The following QTMAN variants were observed in gnomAD, a reference collection of about 807,000 sequenced individuals.
The protein encoded by QTMAN is queuosine-tRNA mannosyltransferase, also known as tRNA-queuosine alpha-mannosyltransferase.
chr2:144,173,178 T>G, the QTMAN span, among the ~76,000 whole-genome samples: 1 of 152,158 alleles, frequency 6.6e-6, no homozygotes, highest in South Asian at 2.1e-4. Flanking sequence ...AATCCAGCTG[T>G]TTTTAAGATA....
At chr2:144,092,341 A>G in the QTMAN span, among the ~76,000 whole-genome samples, 5 of 151,800 alleles carry the variant, frequency 3.3e-5, no homozygotes, top group Non-Finnish European at 7.4e-5. Context: ...GTGCCTGGCT[A>G]ATTTTTTGTA....
At chr2:144,189,439 T>C in the QTMAN span, among the ~76,000 whole-genome samples, 1 of 152,110 alleles carries the variant, frequency 6.6e-6, no homozygotes, top group Non-Finnish European at 1.5e-5. Context: ...GAATAACAAC[T>C]AAGTGACTAC....
At chr2:144,123,323 A>G in the QTMAN span, among the ~76,000 whole-genome samples, 1 of 152,264 alleles carries the variant, frequency 6.6e-6, no homozygotes, top group East Asian at 1.9e-4. Context: ...TTCAAAAGTG[A>G]CAGTAGCATT....
chr2:144,196,247 G>A, the QTMAN span, among the ~76,000 whole-genome samples: 16 of 137,136 alleles, frequency 1.2e-4, no homozygotes, highest in South Asian at 2.4e-4. Context: ...ACACACACAC[G>A]AAATATATAT....
the QTMAN span, among the ~76,000 whole-genome samples, chr2:144,110,366 G>A: frequency 1.3e-5 from 2 of 152,060 alleles, no homozygotes; most frequent in Admixed American, 6.5e-5. Flanking sequence ...ACAGGAAGGG[G>A]AACATCACAC....
chr2:144,332,323 C>T, the QTMAN span: 1 of 149,928 alleles, frequency 6.7e-6, no homozygotes, highest in Non-Finnish European at 1.5e-5. Context: ...TGCTGCCCCT[C>T]TGGGATCTCC....
At chr2:144,298,588 G>C in the QTMAN span, among the ~76,000 whole-genome samples, 2 of 152,094 alleles carry the variant, frequency 1.3e-5, no homozygotes, top group African/African-American at 4.8e-5. Context: ...TCTTCACTCA[G>C]CTGGGGCCTG....
At chr2:143,939,022 T>G in the QTMAN span, 1 of 152,228 alleles carries the variant, frequency 6.6e-6, no homozygotes. Flanking sequence ...ATTAACAAAA[T>G]GATGTAAATC....
At chr2:143,943,575 A>T in the QTMAN span, 1 of 152,220 alleles carries the variant, frequency 6.6e-6, no homozygotes, top group African/African-American at 2.4e-5. Context: ...TTTCTCAAAA[A>T]CAGATTTTAC....
At chr2:144,326,275 G>T in the QTMAN span, among the ~76,000 whole-genome samples, 1 of 151,992 alleles carries the variant, frequency 6.6e-6, no homozygotes, top group Admixed American at 6.6e-5. Flanking sequence ...TTTTTACATG[G>T]ATATGCCTAC....
At chr2:144,233,683 A>G in the QTMAN span, among the ~76,000 whole-genome samples, 1 of 152,212 alleles carries the variant, frequency 6.6e-6, no homozygotes, top group Non-Finnish European at 1.5e-5. Context: ...AGAACAAAGA[A>G]TGATATAGTT....
chr2:143,964,928 A>G, the QTMAN span, among the ~76,000 whole-genome samples: 1 of 152,236 alleles, frequency 6.6e-6, no homozygotes, highest in Admixed American at 6.5e-5. Context: ...CAGCATGGAA[A>G]GAAGAACGCT....
chr2:144,182,720 G>A, the QTMAN span, among the ~76,000 whole-genome samples: 1 of 133,018 alleles, frequency 7.5e-6, no homozygotes. Context: ...TAGTTAGTAG[G>A]CTGTAATCAG....
At chr2:144,317,470 C>T in the QTMAN span, 5 of 151,712 alleles carry the variant, frequency 3.3e-5, no homozygotes, top group African/African-American at 1.2e-4. Context: ...ATACCTACTA[C>T]ACCCTTACCT....
chr2:144,324,391 TACG>T, the QTMAN span, among the ~76,000 whole-genome samples: 16 of 152,262 alleles, frequency 1.1e-4, no homozygotes, highest in African/African-American at 3.9e-4. Flanking sequence ...ACCATTTGAA[TACG>T]ACAACAGATT....
the QTMAN span, among the ~76,000 whole-genome samples, chr2:144,237,887 G>A: frequency 6.6e-6 from 1 of 152,180 alleles, no homozygotes; most frequent in Non-Finnish European, 1.5e-5. Flanking sequence ...GCCACGTTGT[G>A]AGGACACTCA....
At chr2:144,006,932 G>T in the QTMAN span, 3 of 358,252 alleles carry the variant, frequency 8.4e-6, no homozygotes, top group African/African-American at 6.3e-5. Flanking sequence ...TGCTAGAAGT[G>T]CCTACCCACT....
the QTMAN span, among the ~76,000 whole-genome samples, chr2:144,021,951 T>TA: frequency 4.8e-4 from 72 of 151,532 alleles, 2 homozygotes; most frequent in East Asian, 7.3e-3. Context: ...CTCTCACATT[T>TA]AAAAAAAAAT....
the QTMAN span, among the ~76,000 whole-genome samples, chr2:144,054,199 T>A: frequency 3.6e-4 from 55 of 151,834 alleles, 2 homozygotes; most frequent in East Asian, 2.5e-3. Flanking sequence ...AAAAAAAATT[T>A]AAAAACCAAA....
Sources: allele counts gnomAD v4.1 joint callset (sites outside exome capture counted in the v4.1 genomes callset), GRCh38; gene constraint gnomAD v4.1.1; transcripts MANE v1.5; gene names NCBI Gene and HGNC (gene_info 2026-07-23, HGNC 2026-07-21).